DOT1L: variants seen among roughly 807,000 people sequenced by gnomAD.
DOT1L encodes the protein histone-lysine N-methyltransferase, H3 lysine-79 specific.
A neutral mutation model predicts 153.3 loss-of-function variants in DOT1L; 33 were observed. The ratio of observed to expected loss-of-function variants is 0.22; its 90% CI spans 0.16 to 0.29. DOT1L has a LOEUF of 0.29. Ranked by LOEUF, DOT1L falls within the 10% of genes least tolerant of loss-of-function variation. The probability of loss-of-function intolerance (pLI) is 1.00; values close to 1 mark genes in which losing one functional copy is unlikely to be tolerated. For missense variants in DOT1L, 1,847 were observed against 2,119.9 expected, an observed-to-expected ratio of 0.87 and a Z score of 2.53; for synonymous variants, 1,135 against 965.1, an observed-to-expected ratio of 1.18 and a Z score of -3.26.
intron 1 of DOT1L, among the ~76,000 whole-genome samples, chr19:2,172,355 A>G (rs1051628827): frequency 4.0e-5 from 6 of 150,838 alleles, no homozygotes; most frequent in African/African-American, 1.5e-4. Flanking sequence ...ACGCCCAGCT[A>G]ATTTTTTGTA....
chr19:2,167,026 GT>G (rs1327333167), intron 1 of DOT1L, among the ~76,000 whole-genome samples: 2 of 152,278 alleles, frequency 1.3e-5, no homozygotes, highest in African/African-American at 4.8e-5. Flanking sequence ...GGTTTCAAAA[GT>G]TACCCCATTT....
At chr19:2,199,076 T>C (rs113174656) in intron 7 of DOT1L, among the ~76,000 whole-genome samples, 92 of 151,906 alleles carry the variant, frequency 6.1e-4, no homozygotes, top group African/African-American at 2.1e-3. Flanking sequence ...GGAATGGAGG[T>C]GGTAGTGTTT....
rs1051519505 is a variant in DOT1L at position 2,222,627 on chromosome 19, G to T, written c.3390+68G>T. Reference sequence around the variant, plus strand: ...AAGAAAGACCAGAGGGAGACCGGGCGCGGTGGCTCACGCCTGTAATCCCAG... The same window carrying T: ...AAGAAAGACCAGAGGGAGACCGGGCTCGGTGGCTCACGCCTGTAATCCCAG... On this transcript the variant is annotated intron_variant, in intron 24 of 27. Coordinates refer to ENST00000398665, the MANE Select transcript of DOT1L (RefSeq NM_032482.3). This position sits in a 1 kb window ranked among gnomAD's most constrained non-coding sequence, Gnocchi z 6.5. The T allele has an allele frequency of 1.1e-5, 16 of 1,427,214 alleles. No homozygotes were observed. In the African/African-American group the frequency reaches 2.3e-4, roughly 20 times the overall value. 88.4% of individuals were successfully genotyped at this position (1,427,214 alleles called of 1,614,324 possible).
rs1361834154 is a variant in DOT1L at position 2,204,249 on chromosome 19, G to T, written c.787+1470G>T. Among the ~76,000 whole-genome samples, 2 of 151,998 alleles carry T rather than the reference G, an allele frequency of 1.3e-5. No individual in the cohort carries two copies. The highest frequency in any genetic ancestry group is 2.9e-5 in the Non-Finnish European group (2 of 67,980). The stretch of plus-strand genomic sequence containing the variant: ...TGTGTGCATGCCTGTGTGTGTGCGT[G>T]CCCGTGTGCCTCCGTGTCTATGTAT... On this transcript the variant is annotated intron_variant, in intron 9 of 27. Transcript: ENST00000398665. The surrounding 1 kb of genome is among the most constrained non-coding windows in gnomAD (Gnocchi z 5.7).
intron 7 of DOT1L, 67 bp downstream of exon 7, chr19:2,194,644 C>T: frequency 8.5e-7 from 1 of 1,182,292 alleles, no homozygotes; most frequent in East Asian, 2.6e-5. Flanking sequence ...CTCCTGTCAG[C>T]CCCTCCTTTC....
At chr19:2,228,254 A>G in intron 27 of DOT1L, 1 of 1,361,492 alleles carries the variant, frequency 7.3e-7, no homozygotes, top group Non-Finnish European at 9.8e-7. Flanking sequence ...CCGGGATCCC[A>G]CAGGCCAGCG....
chr19:2,165,454 G>C (rs1222828774), intron 1 of DOT1L, among the ~76,000 whole-genome samples: 5 of 152,220 alleles, frequency 3.3e-5, no homozygotes, highest in Non-Finnish European at 7.3e-5. Context: ...CGGGGCTGGC[G>C]GGGTAGGGCC....
At chr19:2,188,570 C>T (rs1180249117) in intron 3 of DOT1L, among the ~76,000 whole-genome samples, 2 of 141,224 alleles carry the variant, frequency 1.4e-5, no homozygotes, top group Non-Finnish European at 3.0e-5. Context: ...CCGTCCTGGG[C>T]ACTGCAGGGT....
At chr19:2,185,801 A>C in intron 2 of DOT1L, 54 bp from the exon 3 acceptor site, 3 of 1,590,320 alleles carry the variant, frequency 1.9e-6, no homozygotes, top group Admixed American at 1.7e-5. Flanking sequence ...CAAAACACAA[A>C]ACAAAACAAA....
intron 16 of DOT1L, 127 bp from the exon 17 acceptor site, chr19:2,213,412 G>T: frequency 2.2e-6 from 2 of 890,800 alleles, no homozygotes; most frequent in Non-Finnish European, 3.4e-6. Context: ...GCCCGGTGTG[G>T]GTCCCCTCAG....
At chr19:2,221,297 G>A (rs1007681771) in intron 23 of DOT1L, 1 of 152,840 alleles carries the variant, frequency 6.5e-6, no homozygotes, top group Non-Finnish European at 1.5e-5. Flanking sequence ...AGAGGCCACC[G>A]AAGCCCGGGC....
At chr19:2,198,747 C>A (rs558123071) in intron 7 of DOT1L, among the ~76,000 whole-genome samples, 3 of 152,336 alleles carry the variant, frequency 2.0e-5, no homozygotes, top group Admixed American at 6.5e-5. Flanking sequence ...CAGCATGAAT[C>A]CCCTTCCTGT....
rs562502842 is a variant in DOT1L at position 2,179,406 on chromosome 19, C to T, written c.82-1307C>T. Among the ~76,000 whole-genome samples, 3 of 152,242 alleles carry T rather than the reference C, an allele frequency of 2.0e-5. No homozygotes were observed. The East Asian group carries it at 5.8e-4, about 29-fold the overall frequency. ...GGCTGCACGGCTGCCTGGGCGGCCTCTGACGCGCCCTGTGGACTGCAGCAT... is the reference window on the plus strand; with the variant it reads ...GGCTGCACGGCTGCCTGGGCGGCCTTTGACGCGCCCTGTGGACTGCAGCAT... On this transcript the variant is annotated intron_variant, in intron 1 of 27. Transcript: ENST00000398665.
At chr19:2,219,330 C>G (rs757942970) in intron 22 of DOT1L, among the ~76,000 whole-genome samples, 11 of 152,138 alleles carry the variant, frequency 7.2e-5, no homozygotes, top group Non-Finnish European at 1.5e-4. Flanking sequence ...TTTTATACAC[C>G]TCTGTCTAAT....
intron 26 of DOT1L, 141 bp downstream of exon 26, chr19:2,225,593 T>C (rs1384212782): frequency 1.9e-5 from 18 of 962,576 alleles, no homozygotes; most frequent in Non-Finnish European, 2.8e-5. Flanking sequence ...TGCGTGGTGC[T>C]GGCCTGCTGC....
At position 2,180,742 on chromosome 19, in the gene DOT1L, C is replaced by A. The variant is rs1448222757; in HGVS notation, c.111C>A (p.Ile37=). The A allele has an allele frequency of 1.9e-6, 3 of 1,613,954 alleles. No individual in the cohort carries two copies. In the African/African-American group the frequency reaches 4.0e-5, roughly 22 times the overall value. ...AACATCACGATGCTGCTCATGAAAT[C>A]ATCGAGACCATCCGGTGAGTGCACG... The part of the protein sequence containing the change: ...YDKHHDAAHE[I]IETIRWVCEE... The change falls in exon 2 of 28, where the codon ATC becomes ATA. Residue 37 remains isoleucine (I), a synonymous_variant. Coordinates refer to ENST00000398665, the MANE Select transcript of DOT1L (RefSeq NM_032482.3).
intron 2 of DOT1L, among the ~76,000 whole-genome samples, chr19:2,183,419 C>T (rs959899605): frequency 7.2e-5 from 11 of 152,204 alleles, no homozygotes; most frequent in African/African-American, 2.2e-4. Flanking sequence ...GATCCACCCG[C>T]CTCGGCCTCC....
chr19:2,191,221 G>C lies in DOT1L; in HGVS notation c.474G>C (p.Leu158=). The C allele has an allele frequency of 6.2e-7, 1 of 1,613,904 alleles. No individual in the cohort carries two copies. Among genetic ancestry groups the C allele is most frequent in the Non-Finnish European group, 8.5e-7 (1 of 1,180,004 alleles). ...AGATCAAGATGACCGACGACGACCT[G>C]TTTGTGGACTTGGGGAGCGGTGAGT... The part of the protein sequence containing the change: ...IDEIKMTDDD[L]FVDLGSGVGQ... Residue 158 remains leucine, a synonymous_variant, in exon 5 of 28, where the codon CTG becomes CTC. Transcript: ENST00000398665. This position sits in a 1 kb window ranked among gnomAD's most constrained non-coding sequence, Gnocchi z 6.8.
At position 2,220,513 on chromosome 19, in the gene DOT1L, G is replaced by A. The variant is rs1268604846; in HGVS notation, c.2806+291G>A. 2 of 531,230 alleles carry A rather than the reference G, an allele frequency of 3.8e-6. No homozygotes were observed. The highest frequency in any genetic ancestry group is 4.5e-5 in the Admixed American group (2 of 44,556). 32.9% of individuals were successfully genotyped at this position (531,230 alleles called of 1,614,324 possible). ...GAGGTCGGCCCCAGTGCTCTCGGGG[G>A]CTCCTGTACTCACAGCTGGGAGGCC... On this transcript the variant is annotated intron_variant, in intron 23 of 27. Coordinates refer to ENST00000398665, the MANE Select transcript of DOT1L (RefSeq NM_032482.3). This position sits in a 1 kb window ranked among gnomAD's most constrained non-coding sequence, Gnocchi z 4.5.
Sources: allele counts gnomAD v4.1 joint callset (sites outside exome capture counted in the v4.1 genomes callset), GRCh38; gene constraint gnomAD v4.1.1; non-coding constraint Gnocchi (gnomAD v3.1); transcripts MANE v1.5; gene names NCBI Gene and HGNC (gene_info 2026-07-23, HGNC 2026-07-21).